Variants in CDH12 observed in about 807,000 individuals in gnomAD.
CDH12 encodes the protein cadherin 12.
A neutral mutation model predicts 74.1 loss-of-function variants in CDH12; 41 were observed. That is an observed-to-expected ratio of 0.55 (90% CI 0.43 to 0.72). The LOEUF (loss-of-function observed/expected upper bound fraction) is 0.72. CDH12 is among the 30% of genes least tolerant of loss of function. The pLI is 0.00. For synonymous variants in CDH12, 399 were observed against 355.0 expected (o/e 1.12, Z -1.39); for missense variants, 945 against 977.2 (o/e 0.97, Z 0.44).
intron 1 of CDH12, among the ~76,000 whole-genome samples, chr5:22,617,479 G>A (rs888428522): frequency 6.6e-6 from 1 of 152,070 alleles, no homozygotes; most frequent in Non-Finnish European, 1.5e-5. Flanking sequence ...AAAATATCTA[G>A]CTTTATTCAT....
At chr5:22,478,349 C>T (rs1339078078) in intron 2 of CDH12, among the ~76,000 whole-genome samples, 3 of 131,734 alleles carry the variant, frequency 2.3e-5, no homozygotes, top group Admixed American at 9.3e-5. Context: ...ACCTGGGAGG[C>T]GGAGCTTTCA....
intron 9 of CDH12, among the ~76,000 whole-genome samples, chr5:21,807,459 T>C (rs537959295): frequency 1.6e-4 from 25 of 152,108 alleles, no homozygotes; most frequent in Non-Finnish European, 3.1e-4. Flanking sequence ...CATTGGGCTA[T>C]TACAGCACTA....
At chr5:21,924,334 G>A (rs942602360) in intron 6 of CDH12, among the ~76,000 whole-genome samples, 1 of 152,010 alleles carries the variant, frequency 6.6e-6, no homozygotes, top group Non-Finnish European at 1.5e-5. Flanking sequence ...TGGCCAACAC[G>A]GCAAAACCCT....
At chr5:22,235,213 A>G (rs904667273) in intron 3 of CDH12, among the ~76,000 whole-genome samples, 3 of 152,184 alleles carry the variant, frequency 2.0e-5, no homozygotes, top group African/African-American at 7.2e-5. Flanking sequence ...AGGTCGAAAT[A>G]TATCAGTACA....
intron 1 of CDH12, among the ~76,000 whole-genome samples, chr5:22,655,831 A>G (rs1017101373): frequency 5.3e-5 from 8 of 152,352 alleles, no homozygotes; most frequent in African/African-American, 1.9e-4. Context: ...CAGAATTTTA[A>G]CTAAGTCTGA....
intron 2 of CDH12, among the ~76,000 whole-genome samples, chr5:22,435,498 A>ATG (rs56122496): frequency 0.33 from 43,569 of 132,980 alleles, 6,395 homozygotes; most frequent in African/African-American, 0.34. Flanking sequence ...GTGTATATAT[A>ATG]TGTGTGTGTG....
intron 4 of CDH12, among the ~76,000 whole-genome samples, chr5:22,154,693 G>C (rs1561170440): frequency 6.6e-6 from 1 of 151,126 alleles, no homozygotes; most frequent in Non-Finnish European, 1.5e-5. Flanking sequence ...AATAAAAATT[G>C]CTTAGAAATT....
At chr5:22,379,676 A>T (rs1741678075) in intron 3 of CDH12, among the ~76,000 whole-genome samples, 1 of 152,168 alleles carries the variant, frequency 6.6e-6, no homozygotes, top group Non-Finnish European at 1.5e-5. Context: ...CCCAGAGATG[A>T]CTGTGAGAGT....
At chr5:22,817,121 G>T (rs920904047) in intron 1 of CDH12, among the ~76,000 whole-genome samples, 7 of 151,940 alleles carry the variant, frequency 4.6e-5, no homozygotes, top group African/African-American at 1.7e-4. Context: ...TTTCTGTTCA[G>T]GTTTCCAAAT....
intron 1 of CDH12, among the ~76,000 whole-genome samples, chr5:22,743,931 T>C (rs1745162573): frequency 6.6e-6 from 1 of 152,142 alleles, no homozygotes; most frequent in Admixed American, 6.5e-5. Flanking sequence ...AGGTTTCTAC[T>C]GTTGGGCATT....
intron 3 of CDH12, among the ~76,000 whole-genome samples, chr5:22,222,156 C>A (rs1752039617): frequency 6.6e-6 from 1 of 151,882 alleles, no homozygotes; most frequent in African/African-American, 2.4e-5. Flanking sequence ...CTATAAATAA[C>A]AGGTGTTTAT....
intron 6 of CDH12, among the ~76,000 whole-genome samples, chr5:21,918,773 C>T (rs1754222716): frequency 6.6e-6 from 1 of 152,118 alleles, no homozygotes; most frequent in African/African-American, 2.4e-5. Flanking sequence ...AGAATGATAT[C>T]ATTTGAAAAC....
intron 10 of CDH12, among the ~76,000 whole-genome samples, chr5:21,788,678 T>C (rs1488150158): frequency 6.6e-6 from 1 of 152,104 alleles, no homozygotes; most frequent in Non-Finnish European, 1.5e-5. Context: ...TCACTTACAC[T>C]TATTATGTTA....
chr5:22,074,787 A>G (rs909217994), intron 5 of CDH12, among the ~76,000 whole-genome samples: 2 of 152,078 alleles, frequency 1.3e-5, no homozygotes, highest in East Asian at 3.9e-4. Flanking sequence ...TTAGAATGGC[A>G]ATCATTAAAA....
intron 5 of CDH12, among the ~76,000 whole-genome samples, chr5:22,050,839 T>G (rs890269876): frequency 9.2e-5 from 14 of 152,156 alleles, no homozygotes; most frequent in South Asian, 2.1e-4. Flanking sequence ...CAGCAAACAT[T>G]GTAAGAATTT....
intron 5 of CDH12, among the ~76,000 whole-genome samples, chr5:21,987,146 T>G (rs1757551823): frequency 6.6e-6 from 1 of 152,110 alleles, no homozygotes. Flanking sequence ...CTCCTTTATT[T>G]TTTTATTTTA....
intron 1 of CDH12, among the ~76,000 whole-genome samples, chr5:22,672,124 A>T (rs1740935581): frequency 8.1e-6 from 1 of 123,542 alleles, no homozygotes; most frequent in South Asian, 2.4e-4. Flanking sequence ...AATATATATT[A>T]TTTTATATAT....
At chr5:22,635,865 G>T (rs908039139) in intron 1 of CDH12, among the ~76,000 whole-genome samples, 3 of 152,016 alleles carry the variant, frequency 2.0e-5, no homozygotes, top group Non-Finnish European at 2.9e-5. Context: ...AGTCAGAGGA[G>T]ATTGTGCCCA....
intron 4 of CDH12, chr5:22,139,643 T>C (rs1446172707): frequency 6.8e-6 from 1 of 146,994 alleles, no homozygotes; most frequent in African/African-American, 2.5e-5. Flanking sequence ...GGGGTTGCAG[T>C]ACTTATCAAC....
Sources: gnomAD v4.1 joint callset for allele counts (sites outside exome capture counted in the v4.1 genomes callset) on GRCh38, gnomAD v4.1.1 for gene constraint, MANE v1.5 for transcripts, NCBI Gene and HGNC (gene_info 2026-07-23, HGNC 2026-07-21) for gene names.